MYO1E: variants seen among roughly 807,000 people sequenced by gnomAD.
MYO1E encodes unconventional myosin-Ie.
MYO1E carries 68 observed loss-of-function variants against 151.1 expected under a neutral mutation model. That is an observed-to-expected ratio of 0.45 (90% CI 0.37 to 0.55). MYO1E has a LOEUF of 0.55. MYO1E is among the 20% of genes least tolerant of loss of function. The pLI, the probability that MYO1E is intolerant of heterozygous loss-of-function variation, is 0.00. For missense variants in MYO1E, 1,363 were observed against 1,389.3 expected (o/e 0.98, Z 0.30); for synonymous variants, 601 against 501.7 (o/e 1.20, Z -2.64).
intron 1 of MYO1E, among the ~76,000 whole-genome samples, chr15:59,322,932 T>A (rs1165418097): frequency 1.3e-5 from 2 of 150,066 alleles, no homozygotes; most frequent in Non-Finnish European, 3.0e-5. Flanking sequence ...GAGGACGAGG[T>A]GGGCGGATCA....
chr15:59,318,910 G>C (rs2080606634), intron 1 of MYO1E, among the ~76,000 whole-genome samples: 1 of 152,030 alleles, frequency 6.6e-6, no homozygotes, highest in Non-Finnish European at 1.5e-5. Context: ...ATAGAAACTG[G>C]GCATTTTAAG....
chr15:59,298,811 A>T (rs2140402224), intron 1 of MYO1E, among the ~76,000 whole-genome samples: 1 of 152,296 alleles, frequency 6.6e-6, no homozygotes, highest in East Asian at 1.9e-4. Flanking sequence ...TTGAATCACA[A>T]AGAGGAAAGT....
intron 9 of MYO1E, among the ~76,000 whole-genome samples, chr15:59,219,065 C>T (rs1283919850): frequency 6.6e-6 from 1 of 152,100 alleles, no homozygotes; most frequent in Admixed American, 6.6e-5. Flanking sequence ...CTGAGGGTAG[C>T]ATATGGAGTG....
At chr15:59,187,514 A>G (rs2079705643) in intron 18 of MYO1E, among the ~76,000 whole-genome samples, 1 of 152,236 alleles carries the variant, frequency 6.6e-6, no homozygotes, top group Non-Finnish European at 1.5e-5. Context: ...ACTTCAGAAA[A>G]CAATCAGGCA....
intron 14 of MYO1E, chr15:59,207,137 C>G: frequency 6.2e-7 from 1 of 1,614,200 alleles, no homozygotes. Context: ...TCCGAGAAGC[C>G]CGTTCATCAC....
chr15:59,340,799 G>A (rs2080760308), intron 1 of MYO1E, among the ~76,000 whole-genome samples: 1 of 151,850 alleles, frequency 6.6e-6, no homozygotes, highest in Non-Finnish European at 1.5e-5. Context: ...TGAGGCGGGA[G>A]GATCACGAGG....
chr15:59,343,838 C>G (rs781374483), intron 1 of MYO1E, among the ~76,000 whole-genome samples: 2 of 152,084 alleles, frequency 1.3e-5, no homozygotes, highest in Non-Finnish European at 2.9e-5. Flanking sequence ...TTCAGCAGCT[C>G]GAGAATTTCT....
chr15:59,299,888 C>G (rs1379705149), intron 1 of MYO1E, among the ~76,000 whole-genome samples: 4 of 152,218 alleles, frequency 2.6e-5, no homozygotes, highest in Non-Finnish European at 4.4e-5. Flanking sequence ...CAATTTTCCA[C>G]TCAGAAGTTG....
In MYO1E at chr15:59,159,856, A is replaced by ATTAG. The variant is rs111419988; in HGVS notation, c.2785+1216_2785+1217insCTAA. ...TGAGAAATGGCTAATTAATTAATTA[A>ATTAG]TTTTTGAGATGGAGTTTCGCTCTTG... On this transcript the variant is annotated intron_variant, in intron 24 of 27. Transcript: ENST00000288235. The surrounding 1 kb of genome is among the most constrained non-coding windows in gnomAD (Gnocchi z 4.4). Among the ~76,000 whole-genome samples, 917 of 152,190 alleles carry ATTAG rather than the reference A, an allele frequency of 6.0e-3. 7 individuals are homozygous for ATTAG. The highest frequency in any genetic ancestry group is 0.021 in the African/African-American group (871 of 41,528).
intron 18 of MYO1E, among the ~76,000 whole-genome samples, chr15:59,185,152 C>A (rs1157665169): frequency 1.3e-5 from 2 of 152,128 alleles, no homozygotes; most frequent in African/African-American, 2.4e-5. Flanking sequence ...TTTTTCCCCA[C>A]AAAGTTGTTT....
chr15:59,310,200 T>C (rs2080541690), intron 1 of MYO1E, among the ~76,000 whole-genome samples: 1 of 152,140 alleles, frequency 6.6e-6, no homozygotes, highest in African/African-American at 2.4e-5. Context: ...CACTGCCAAG[T>C]TGACCAGCTT....
At chr15:59,217,392 G>A (rs191139293) in intron 10 of MYO1E, among the ~76,000 whole-genome samples, 3 of 151,922 alleles carry the variant, frequency 2.0e-5, no homozygotes, top group East Asian at 1.9e-4. Flanking sequence ...TTTAGCTAAG[G>A]TATCTTGGTG....
In MYO1E at chr15:59,350,622, T is replaced by C. The variant is rs1371055732; in HGVS notation, c.3+21876A>G. On this transcript the variant is annotated intron_variant, in intron 1 of 27. Transcript: ENST00000288235. The surrounding 1 kb of genome is among the most constrained non-coding windows in gnomAD (Gnocchi z 5.0). ...AGGGAATGTCGAGAGTGTACAGGAA[T>C]GTGGGAAGGCCAAAGGGAAAGATGG... Among the ~76,000 whole-genome samples the C allele has an allele frequency of 6.6e-6, 1 of 152,126 alleles. No homozygotes were observed.
chr15:59,158,430 G>A (rs1341889168), intron 24 of MYO1E, 51 bp from the exon 25 acceptor site: 2 of 1,396,438 alleles, frequency 1.4e-6, no homozygotes, highest in Non-Finnish European at 2.0e-6. Flanking sequence ...TGGTTTTATG[G>A]ATCCTCATGG....
chr15:59,195,384 G>T, intron 17 of MYO1E, 77 bp downstream of exon 17: 1 of 1,278,698 alleles, frequency 7.8e-7, no homozygotes, highest in Non-Finnish European at 1.1e-6. Flanking sequence ...CACTGCTCCT[G>T]CCTGTGATGG....
At chr15:59,206,972 G>C in intron 14 of MYO1E, 2 of 1,614,116 alleles carry the variant, frequency 1.2e-6, no homozygotes, top group Non-Finnish European at 1.7e-6. Context: ...GTGCGGGCCA[G>C]CCAGAGAGTG....
chr15:59,173,702 A>G (rs751914663), intron 21 of MYO1E, 44 bp downstream of exon 21: 2 of 1,604,078 alleles, frequency 1.2e-6, no homozygotes, highest in South Asian at 1.1e-5. Flanking sequence ...TAAAAAAATA[A>G]GGAATCTGTT....
chr15:59,352,077 G>C (rs2080826541), intron 1 of MYO1E, among the ~76,000 whole-genome samples: 1 of 152,178 alleles, frequency 6.6e-6, no homozygotes, highest in Admixed American at 6.5e-5. Flanking sequence ...CCGTGGAAGA[G>C]GCACCCCGGG....
intron 22 of MYO1E, 145 bp downstream of exon 22, chr15:59,171,752 T>C (rs1478087424): frequency 1.8e-6 from 2 of 1,113,214 alleles, no homozygotes; most frequent in Non-Finnish European, 1.3e-6. Flanking sequence ...GTCTTCCCTT[T>C]GGGACAAAGG....
Sources: allele counts gnomAD v4.1 joint callset (sites outside exome capture counted in the v4.1 genomes callset), GRCh38; gene constraint gnomAD v4.1.1; non-coding constraint Gnocchi (gnomAD v3.1); transcripts MANE v1.5; gene names NCBI Gene and HGNC (gene_info 2026-07-23, HGNC 2026-07-21).